The following DYNLL1 variants were observed in gnomAD, a reference collection of about 807,000 sequenced individuals.
DYNLL1 encodes dynein light chain 1, cytoplasmic.
A neutral mutation model predicts 10.1 loss-of-function variants in DYNLL1; 3 were observed. The ratio of observed to expected loss-of-function variants is 0.30; its 90% CI spans 0.14 to 0.77. The LOEUF (loss-of-function observed/expected upper bound fraction) is 0.77, where lower values mean the gene tolerates loss of function less well. Ranked by LOEUF, DYNLL1 falls within the 30% of genes least tolerant of loss-of-function variation. The probability of loss-of-function intolerance (pLI) is 0.66; values close to 1 mark genes in which losing one functional copy is unlikely to be tolerated. For synonymous variants in DYNLL1, 46 were observed against 41.2 expected, an observed-to-expected ratio of 1.12 and a Z score of -0.45; for missense variants, 47 against 111.7, an observed-to-expected ratio of 0.42 and a Z score of 2.61.
At chr12:120,482,051 A>T (rs1208241689) in intron 1 of DYNLL1, among the ~76,000 whole-genome samples, 1 of 152,146 alleles carries the variant, frequency 6.6e-6, no homozygotes, top group Non-Finnish European at 1.5e-5. Context: ...TTTAATTCAC[A>T]GGTCCCCAAA....
intron 1 of DYNLL1, among the ~76,000 whole-genome samples, chr12:120,489,575 C>T (rs891142492): frequency 2.0e-5 from 3 of 152,144 alleles, no homozygotes; most frequent in African/African-American, 4.8e-5. Flanking sequence ...GCTGCAATAG[C>T]CTCTAACTGC....
At chr12:120,489,431 CCCT>C (rs1879069810) in intron 1 of DYNLL1, among the ~76,000 whole-genome samples, 1 of 152,206 alleles carries the variant, frequency 6.6e-6, no homozygotes, top group Non-Finnish European at 1.5e-5. Flanking sequence ...GCCTCTGGTT[CCCT>C]CCTATTCTGC....
At chr12:120,497,903 G>A (rs1242157662) in intron 2 of DYNLL1, 170 bp from the exon 3 acceptor site, 16 of 643,256 alleles carry the variant, frequency 2.5e-5, no homozygotes, top group Non-Finnish European at 3.7e-5. Context: ...AAGTATGTTT[G>A]TATTAATGTA....
At chr12:120,489,360 T>G (rs1879068098) in intron 1 of DYNLL1, among the ~76,000 whole-genome samples, 1 of 152,234 alleles carries the variant, frequency 6.6e-6, no homozygotes, top group Non-Finnish European at 1.5e-5. Context: ...TCTGCCAGAC[T>G]TCCCCATCTC....
rs138927512 is a variant in DYNLL1 at position 120,477,155 on chromosome 12, C to G, written c.-7+7051C>G. 5.7e-3 allele frequency among the ~76,000 whole-genome samples: 865 copies of G among 152,230 alleles called. 9 individuals are homozygous for G. The highest frequency in any genetic ancestry group is 0.02 in the African/African-American group (841 of 41,542). On this transcript the variant is annotated intron_variant, in intron 1 of 2. Transcript: ENST00000392509. Reference sequence around the variant, plus strand: ...TGTTGGCCAGGCTGGTCTCGAACTCCTGACCTCAAGTGATCCACCTGTCTT... The same window carrying G: ...TGTTGGCCAGGCTGGTCTCGAACTCGTGACCTCAAGTGATCCACCTGTCTT...
At chr12:120,471,348 C>T (rs1878646694) in intron 1 of DYNLL1, among the ~76,000 whole-genome samples, 1 of 152,024 alleles carries the variant, frequency 6.6e-6, no homozygotes, top group Non-Finnish European at 1.5e-5. Context: ...ACTCCTCCAG[C>T]CTGGGTGACA....
upstream of DYNLL1, chr12:120,496,046 GGGCGGGGCC>G (rs1868372111): frequency 2.8e-6 from 1 of 362,518 alleles, no homozygotes; most frequent in African/African-American, 2.1e-5. Context: ...GCGCGGCGAG[GGGCGGGGCC>G]GGCGGGAGCA....
chr12:120,494,523 G>A (rs528664671), upstream of DYNLL1, among the ~76,000 whole-genome samples: 7 of 152,110 alleles, frequency 4.6e-5, no homozygotes, highest in South Asian at 1.5e-3. Context: ...TCATCCACCC[G>A]CCTCGGCCTC....
At chr12:120,486,424 T>G (rs888930797) in intron 1 of DYNLL1, among the ~76,000 whole-genome samples, 81 of 152,270 alleles carry the variant, frequency 5.3e-4, no homozygotes, top group African/African-American at 1.9e-3. Flanking sequence ...CTTCTTTGCA[T>G]TCCCCTCTCT....
intron 1 of DYNLL1, among the ~76,000 whole-genome samples, chr12:120,486,046 C>T (rs906177512): frequency 4.6e-5 from 7 of 151,930 alleles, no homozygotes; most frequent in South Asian, 2.1e-4. Flanking sequence ...TAATAAAAAA[C>T]GGGTGTCAGG....
chr12:120,470,747 A>G (rs1444093271), intron 1 of DYNLL1, among the ~76,000 whole-genome samples: 2 of 151,054 alleles, frequency 1.3e-5, no homozygotes, highest in Non-Finnish European at 2.9e-5. Flanking sequence ...AATACTCCTA[A>G]CCTAAAGATT....
chr12:120,475,830 C>G (rs757647413), intron 1 of DYNLL1, among the ~76,000 whole-genome samples: 1 of 152,152 alleles, frequency 6.6e-6, no homozygotes, highest in African/African-American at 2.4e-5. Flanking sequence ...CCCTTTACAG[C>G]CCTATGGTAC....
At chr12:120,473,692 C>CA (rs1227211097) in intron 1 of DYNLL1, among the ~76,000 whole-genome samples, 27,851 of 75,098 alleles carry the variant, frequency 0.37, 4,786 homozygotes, top group African/African-American at 0.5. Context: ...GACTCTGTCT[C>CA]AAAAAAAAAA....
At chr12:120,486,325 A>G (rs1220830844) in intron 1 of DYNLL1, among the ~76,000 whole-genome samples, 1 of 152,160 alleles carries the variant, frequency 6.6e-6, no homozygotes, top group African/African-American at 2.4e-5. Flanking sequence ...ACAGATTATT[A>G]TGTACAGCCT....
At chr12:120,485,331 A>G (rs533726086) in intron 1 of DYNLL1, among the ~76,000 whole-genome samples, 30 of 131,894 alleles carry the variant, frequency 2.3e-4, no homozygotes, top group Admixed American at 1.3e-3. Flanking sequence ...ATCTCGGCTC[A>G]CTGCAACCTC....
At chr12:120,473,042 G>A (rs932889523) in intron 1 of DYNLL1, among the ~76,000 whole-genome samples, 1 of 152,112 alleles carries the variant, frequency 6.6e-6, no homozygotes. Flanking sequence ...CCTGTATGAG[G>A]CCCAGGGCAT....
chr12:120,496,237 G>C, intron 1 of DYNLL1, 21 bp downstream of exon 1: 5 of 868,614 alleles, frequency 5.8e-6, no homozygotes, highest in Non-Finnish European at 8.8e-6. Context: ...CGGGGGGCCA[G>C]GGGGTGTCCT....
chr12:120,488,854 G>C (rs1879056732), intron 1 of DYNLL1, among the ~76,000 whole-genome samples: 2 of 152,024 alleles, frequency 1.3e-5, no homozygotes, highest in Admixed American at 1.3e-4. Context: ...CGGAGGTTGT[G>C]GTGAGCCAAG....
chr12:120,475,576 A>AT (rs1878735304), intron 1 of DYNLL1, among the ~76,000 whole-genome samples: 1 of 152,216 alleles, frequency 6.6e-6, no homozygotes, highest in Non-Finnish European at 1.5e-5. Flanking sequence ...AACATTCTAT[A>AT]TTTGAGTTCT....
Sources: gnomAD v4.1 joint callset for allele counts (sites outside exome capture counted in the v4.1 genomes callset) on GRCh38, gnomAD v4.1.1 for gene constraint, MANE v1.5 for transcripts, NCBI Gene and HGNC (gene_info 2026-07-23, HGNC 2026-07-21) for gene names.